The following PSMC6 variants were observed in gnomAD, a reference collection of about 807,000 sequenced individuals.
PSMC6 encodes proteasome 26S subunit, ATPase 6.
A neutral mutation model predicts 55.9 loss-of-function variants in PSMC6; 3 were observed. That is an observed-to-expected ratio of 0.05 (90% CI 0.02 to 0.14). PSMC6 has a LOEUF of 0.14. Among genes scored for constraint, PSMC6 ranks in the 10% least tolerant of loss-of-function variants. PSMC6 has a pLI of 1.00. For synonymous variants in PSMC6, 137 were observed against 155.9 expected (o/e 0.88, Z 0.90); for missense variants, 210 against 478.7 (o/e 0.44, Z 5.24).
At position 52,727,515 on chromosome 14, in the gene PSMC6, T is replaced by A. The variant is rs1399412894; in HGVS notation, c.1068T>A (p.Arg356=). 1 of 1,611,734 alleles carries A rather than the reference T, an allele frequency of 6.2e-7. No individual in the cohort carries two copies. The change falls in exon 14 of 14, where the codon CGT becomes CGA. Residue 356 remains arginine (R), a synonymous_variant. Coordinates refer to ENST00000445930, the MANE Select transcript of PSMC6 (RefSeq NM_002806.5). ...VCTEAGMFAI[R]ADHDFVVQED... is the part of the protein sequence containing the mutation. ...TCTCTACAGGTATGTTCGCAATTCGTGCTGATCATGATTTTGTAGTACAGG... is the reference window on the plus strand; with the variant it reads ...TCTCTACAGGTATGTTCGCAATTCGAGCTGATCATGATTTTGTAGTACAGG...
chr14:52,707,355 C>T (rs936008174), intron 1 of PSMC6, 51 bp downstream of exon 1: 1 of 1,607,600 alleles, frequency 6.2e-7, no homozygotes, highest in Middle Eastern at 1.7e-4. Flanking sequence ...TCGCTTCTGC[C>T]TCTGACAAAG....
intron 4 of PSMC6, 120 bp from the exon 5 acceptor site, chr14:52,710,981 G>T: frequency 7.5e-6 from 6 of 803,250 alleles, no homozygotes; most frequent in Non-Finnish European, 1.0e-5. Context: ...TTTATAATCT[G>T]ATATTTGTGT....
Position 52,715,595 on chromosome 14 carries a change from CTTTTTCTT to C in PSMC6, c.529+1638_529+1645del, listed in dbSNP as rs1245616251. 3.3e-5 allele frequency among the ~76,000 whole-genome samples: 5 copies of C among 150,910 alleles called. No homozygotes were observed. In the East Asian group the frequency reaches 9.7e-4, roughly 29 times the overall value. On this transcript the variant is annotated intron_variant, in intron 7 of 13. Coordinates refer to ENST00000445930, the MANE Select transcript of PSMC6 (RefSeq NM_002806.5). ...TATATCTGGCACTATGTGGTTGAAG[CTTTTTCTT>C]TTTTTCTTTTCTTTTCTTTTTTTTT...
chr14:52,718,075 T>A lies in PSMC6; in HGVS notation c.530-6T>A. 1 of 1,612,376 alleles carries A rather than the reference T, an allele frequency of 6.2e-7. No individual in the cohort carries two copies. Among genetic ancestry groups the A allele is most frequent in the East Asian group, 2.2e-5 (1 of 44,888 alleles). The stretch of plus-strand genomic sequence containing the variant: ...ATCTAATTAAGACTTCTTTTGTCAT[T>A]CTTAGGTACGGGAAAAACACTCTTG... On this transcript the variant is annotated splice_region_variant and splice_polypyrimidine_tract_variant and intron_variant, in intron 7 of 13. Coordinates refer to ENST00000445930, the MANE Select transcript of PSMC6 (RefSeq NM_002806.5).
chr14:52,708,267 G>A (rs1412172400), intron 1 of PSMC6, 42 bp from the exon 2 acceptor site: 14 of 1,526,436 alleles, frequency 9.2e-6, no homozygotes, highest in African/African-American at 1.4e-5. Context: ...AACACACTAA[G>A]ATTACTGTTC....
At chr14:52,713,219 G>A (rs1314729381) in intron 6 of PSMC6, among the ~76,000 whole-genome samples, 1 of 151,786 alleles carries the variant, frequency 6.6e-6, no homozygotes, top group Non-Finnish European at 1.5e-5. Flanking sequence ...AACAGACTCT[G>A]TCTCAAAAAA....
chr14:52,711,040 T>G, intron 4 of PSMC6, 61 bp from the exon 5 acceptor site: 1 of 345,080 alleles, frequency 2.9e-6, no homozygotes, highest in South Asian at 3.7e-5. Context: ...TATTAAACTC[T>G]CGTTAGAGTG....
In PSMC6 at chr14:52,724,187, C is replaced by T. The variant is rs1594854933; in HGVS notation, c.1051+151C>T. On this transcript the variant is annotated intron_variant, in intron 13 of 13. Coordinates refer to ENST00000445930, the MANE Select transcript of PSMC6 (RefSeq NM_002806.5). Reference sequence around the variant, plus strand: ...AATCGATTCCAGGAAATAGGAGAAGCAGGGCAAGTGAGATGGAAAGAGGGA... The same window carrying T: ...AATCGATTCCAGGAAATAGGAGAAGTAGGGCAAGTGAGATGGAAAGAGGGA... The T allele has an allele frequency of 1.3e-5, 9 of 682,226 alleles. No individual in the cohort carries two copies. In the East Asian group the frequency reaches 2.6e-4, roughly 19 times the overall value. 42.3% of individuals were successfully genotyped at this position (682,226 alleles called of 1,614,324 possible).
intron 1 of PSMC6, among the ~76,000 whole-genome samples, chr14:52,707,827 A>C (rs1230021611): frequency 6.6e-6 from 1 of 152,174 alleles, no homozygotes; most frequent in African/African-American, 2.4e-5. Context: ...TGAGTGCTTA[A>C]CTTTTTTTTC....
chr14:52,712,821 T>G (rs2041788715), intron 6 of PSMC6, among the ~76,000 whole-genome samples: 1 of 152,154 alleles, frequency 6.6e-6, no homozygotes, highest in African/African-American at 2.4e-5. Context: ...TTCACCATGT[T>G]GTCCAGGCTC....
At chr14:52,714,898 A>G (rs2041814297) in intron 7 of PSMC6, among the ~76,000 whole-genome samples, 2 of 148,114 alleles carry the variant, frequency 1.4e-5, no homozygotes, top group South Asian at 4.3e-4. Context: ...ATTTTTTTAT[A>G]TAAAGCAAAT....
Position 52,707,240 on chromosome 14 carries a change from G to C in PSMC6, c.21G>C (p.Lys7Asn). ...TCATCATGGCGGACCCTAGAGATAA[G>C]GCGCTTCAGGACTACCGCAAGAAGT... The part of the protein sequence containing the change: MADPRD[K>N]ALQDYRKKLL... Residue 7 changes from lysine to asparagine, a missense_variant, in exon 1 of 14, where the codon AAG (lysine) becomes AAC (asparagine). Physicochemically the swap from Lys to Asn is moderately conservative, Grantham distance 94. Around this residue, in one of 4 missense-constraint regions of PSMC6, gnomAD observed 26 missense variants for 16.9 expected, o/e 1.54. Coordinates refer to ENST00000445930, the MANE Select transcript of PSMC6 (RefSeq NM_002806.5). The C allele has an allele frequency of 6.2e-7, 1 of 1,613,538 alleles. No individual in the cohort carries two copies. The highest frequency in any genetic ancestry group is 8.5e-7 in the Non-Finnish European group (1 of 1,179,816).
In PSMC6 at chr14:52,711,336, G is replaced by C. The variant is rs1380876661; in HGVS notation, c.327-74G>C. On this transcript the variant is annotated intron_variant, in intron 5 of 13. Transcript: ENST00000445930. ...CAGCTACAGGTGCTTGCTTGAGCAA[G>C]TTATTTATATGCTATCTGTAGGCTA... The C allele has an allele frequency of 2.9e-6, 4 of 1,364,664 alleles. No homozygotes were observed. In the Admixed American group the frequency reaches 5.8e-5, roughly 20 times the overall value. 84.5% of individuals were successfully genotyped at this position (1,364,664 alleles called of 1,614,324 possible).
intron 13 of PSMC6, among the ~76,000 whole-genome samples, chr14:52,727,018 A>ATTTT (rs66797420): frequency 3.0e-4 from 31 of 102,132 alleles, no homozygotes; most frequent in African/African-American, 5.2e-4. Context: ...ACCGCTATGG[A>ATTTT]TTTTTTTTTT....
At chr14:52,719,614 A>T (rs2041866890) in intron 10 of PSMC6, among the ~76,000 whole-genome samples, 1 of 152,212 alleles carries the variant, frequency 6.6e-6, no homozygotes, top group South Asian at 2.1e-4. Context: ...AGCATGGGTA[A>T]TGCAGTGTCA....
At chr14:52,708,193 GA>G (rs2041725240) in intron 1 of PSMC6, 115 bp from the exon 2 acceptor site, 1 of 809,666 alleles carries the variant, frequency 1.2e-6, no homozygotes, top group African/African-American at 1.7e-5. Flanking sequence ...TGAAACAGTG[GA>G]TGTGAAACTT....
intron 7 of PSMC6, among the ~76,000 whole-genome samples, chr14:52,716,541 G>A (rs2139846043): frequency 6.6e-6 from 1 of 152,252 alleles, no homozygotes; most frequent in East Asian, 1.9e-4. Context: ...ATCACCTGAG[G>A]TCGGGAGTTC....
At position 52,708,477 on chromosome 14, in the gene PSMC6, C is replaced by T. The variant is rs373347403; in HGVS notation, c.166-6C>T. 19 of 1,613,692 alleles carry T rather than the reference C, an allele frequency of 1.2e-5. No individual in the cohort carries two copies. The highest frequency in any genetic ancestry group is 1.6e-5 in the Non-Finnish European group (19 of 1,179,892). On this transcript the variant is annotated splice_polypyrimidine_tract_variant and splice_region_variant and intron_variant, in intron 2 of 13. Transcript: ENST00000445930. ...AAAAAGTAATGCTTTTTATTTTCTT[C>T]CTTAGATCGTGGGTGAAGTGCTTAA...
chr14:52,724,438 A>G (rs572734525), intron 13 of PSMC6, among the ~76,000 whole-genome samples: 1 of 152,338 alleles, frequency 6.6e-6, no homozygotes, highest in East Asian at 1.9e-4. Flanking sequence ...AGAGGCATGT[A>G]ATAGAACACT....
Sources: allele counts gnomAD v4.1 joint callset (sites outside exome capture counted in the v4.1 genomes callset), GRCh38; gene constraint gnomAD v4.1.1; regional missense constraint gnomAD v4.1.1; transcripts MANE v1.5; gene names NCBI Gene and HGNC (gene_info 2026-07-23, HGNC 2026-07-21).